Variants in STK33 observed in about 807,000 individuals in gnomAD.
STK33 encodes serine/threonine-protein kinase 33.
Under a neutral mutation model 58.0 loss-of-function variants are expected in STK33, and 52 were observed. The ratio of observed to expected loss-of-function variants is 0.90; its 90% confidence interval spans 0.72 to 1.13. STK33 has a LOEUF of 1.13. Among genes scored for constraint, STK33 ranks in the 50% most tolerant of loss-of-function variants. STK33 has a pLI of 0.00. For missense variants in STK33, 630 were observed against 604.2 expected (o/e 1.04, Z -0.45); for synonymous variants, 215 against 200.1 (o/e 1.07, Z -0.63).
chr11:8,463,468 T>C (rs1260472948), intron 7 of STK33, among the ~76,000 whole-genome samples: 1 of 152,142 alleles, frequency 6.6e-6, no homozygotes, highest in Non-Finnish European at 1.5e-5. Context: ...GTGTGCAGCC[T>C]GGTTCCTAAC....
At chr11:8,472,026 A>G (rs1948825276) in intron 6 of STK33, among the ~76,000 whole-genome samples, 1 of 152,138 alleles carries the variant, frequency 6.6e-6, no homozygotes, top group African/African-American at 2.4e-5. Context: ...TCTGGGCTCA[A>G]GTGATACTCA....
At chr11:8,334,954 G>C in the STK33 span, among the ~76,000 whole-genome samples, 1 of 152,240 alleles carries the variant, frequency 6.6e-6, no homozygotes, top group African/African-American at 2.4e-5. Context: ...AGCCAAGTGG[G>C]AGACACAAGC....
chr11:8,547,006 G>A (rs1170293833), intron 1 of STK33, among the ~76,000 whole-genome samples: 1 of 152,146 alleles, frequency 6.6e-6, no homozygotes, highest in African/African-American at 2.4e-5. Context: ...TTTCCATGAT[G>A]GATGTACTAA....
chr11:8,531,111 A>C (rs1954508032), intron 1 of STK33, among the ~76,000 whole-genome samples: 1 of 152,230 alleles, frequency 6.6e-6, no homozygotes, highest in South Asian at 2.1e-4. Context: ...ATAAAGGTAA[A>C]GCTTCAATTA....
chr11:8,541,131 A>G (rs1315333540), intron 1 of STK33, among the ~76,000 whole-genome samples: 1 of 152,108 alleles, frequency 6.6e-6, no homozygotes, highest in Non-Finnish European at 1.5e-5. Context: ...TAAAGAATTC[A>G]GTTCAGATGT....
At position 8,435,494 on chromosome 11, in the gene STK33, T is replaced by C; in HGVS notation, c.1146A>G (p.Thr382=). The part of the protein sequence containing the change: ...AKELLDNQWL[T]GNKLSSVRPT... ...AGAAAAAAGTAATATTGTAACTTACTGTTAACCACTGGTTATCTAGTAGTT... is the reference window on the plus strand; with the variant it reads ...AGAAAAAAGTAATATTGTAACTTACCGTTAACCACTGGTTATCTAGTAGTT... The change falls in exon 14 of 16, where the codon ACA becomes ACG. Residue 382 remains threonine, a splice_region_variant and synonymous_variant. Transcript: ENST00000687296. 1 of 1,424,554 alleles carries C rather than the reference T, an allele frequency of 7.0e-7. No homozygotes were observed. The allele number at this position is 1,424,554 out of a possible 1,614,324, so 88.2% of individuals were successfully genotyped here.
At chr11:8,485,187 T>A (rs1950115200) in intron 1 of STK33, among the ~76,000 whole-genome samples, 1 of 152,184 alleles carries the variant, frequency 6.6e-6, no homozygotes, top group Admixed American at 6.5e-5. Flanking sequence ...CAGAATAATT[T>A]GGGAAGTAGA....
intron 1 of STK33, among the ~76,000 whole-genome samples, chr11:8,568,725 T>C (rs1957607479): frequency 6.6e-6 from 1 of 152,194 alleles, no homozygotes; most frequent in Non-Finnish European, 1.5e-5. Flanking sequence ...GGAAATATAA[T>C]GCAGCAGAAG....
chr11:8,484,332 C>T (rs575536056), intron 1 of STK33, among the ~76,000 whole-genome samples: 10 of 152,130 alleles, frequency 6.6e-5, no homozygotes, highest in Non-Finnish European at 1.2e-4. Flanking sequence ...TGTCAAAACC[C>T]GATGCATGAC....
chr11:8,488,374 T>TAC (rs1313015879), intron 1 of STK33, among the ~76,000 whole-genome samples: 4 of 151,980 alleles, frequency 2.6e-5, no homozygotes, highest in Non-Finnish European at 4.4e-5. Context: ...TCTAGGAAGC[T>TAC]ACACACACAC....
chr11:8,426,997 TTA>T, intron 14 of STK33, among the ~76,000 whole-genome samples: 1 of 152,168 alleles, frequency 6.6e-6, no homozygotes, highest in Non-Finnish European at 1.5e-5. Flanking sequence ...GTTATCATGA[TTA>T]TGTTTTCTCT....
At chr11:8,592,289 A>G (rs1213587188) in intron 1 of STK33, among the ~76,000 whole-genome samples, 2 of 152,220 alleles carry the variant, frequency 1.3e-5, no homozygotes, top group African/African-American at 4.8e-5. Context: ...GATAAAAATC[A>G]AACAATTAAA....
chr11:8,363,652 G>A, the STK33 span, among the ~76,000 whole-genome samples: 4 of 152,248 alleles, frequency 2.6e-5, no homozygotes, highest in Non-Finnish European at 4.4e-5. Context: ...ACAGCGGTGC[G>A]TGCAGGACAC....
chr11:8,387,030 A>G (rs1041506583), downstream of STK33, among the ~76,000 whole-genome samples: 5 of 152,252 alleles, frequency 3.3e-5, no homozygotes, highest in African/African-American at 9.6e-5. Context: ...AGGCTTCTAA[A>G]GACTGCTCCA....
In STK33 at chr11:8,465,175, GT is replaced by G. The variant is rs1565089089; in HGVS notation, c.340-354del. On this transcript the variant is annotated intron_variant, in intron 6 of 15. Coordinates refer to ENST00000687296, the MANE Select transcript of STK33 (RefSeq NM_001352389.2). ...GATTTATATATATACACACACATAA[GT>G]GTGTGTAGATATAAAATACATTCAC... The G allele has an allele frequency of 3.2e-5, 5 of 157,992 alleles. No individual in the cohort carries two copies. The Admixed American group carries it at 3.2e-4, about 10-fold the overall frequency. The allele number at this position is 157,992 out of a possible 1,614,324, so 9.8% of individuals were successfully genotyped here. A position where few individuals can be genotyped will look rare whatever the true frequency, so the allele number is the denominator to read the frequency against.
chr11:8,366,133 C>T, the STK33 span, among the ~76,000 whole-genome samples: 3 of 152,190 alleles, frequency 2.0e-5, no homozygotes, highest in African/African-American at 7.2e-5. Context: ...GGGATAAGGG[C>T]TGGATAGAGA....
chr11:8,450,365 A>G (rs1437012383), intron 11 of STK33, among the ~76,000 whole-genome samples: 1 of 152,054 alleles, frequency 6.6e-6, no homozygotes, highest in Non-Finnish European at 1.5e-5. Flanking sequence ...ATGAGAACAC[A>G]TGGACACAGG....
intron 1 of STK33, among the ~76,000 whole-genome samples, chr11:8,516,887 G>A (rs1414871916): frequency 2.0e-5 from 3 of 152,150 alleles, no homozygotes; most frequent in Admixed American, 1.3e-4. Context: ...GCCTGCCTCT[G>A]TAGACTCCAC....
chr11:8,491,434 T>C (rs1465786573), intron 1 of STK33, among the ~76,000 whole-genome samples: 2 of 152,058 alleles, frequency 1.3e-5, no homozygotes, highest in Non-Finnish European at 2.9e-5. Context: ...CCAAGAAATA[T>C]GGGACTAGGT....
Sources: gnomAD v4.1 joint callset for allele counts (sites outside exome capture counted in the v4.1 genomes callset) on GRCh38, gnomAD v4.1.1 for gene constraint, MANE v1.5 for transcripts, NCBI Gene and HGNC (gene_info 2026-07-23, HGNC 2026-07-21) for gene names.